The following MCHR2 variants were observed in gnomAD, a reference collection of about 807,000 sequenced individuals.
MCHR2 encodes melanin-concentrating hormone receptor 2.
Under a neutral mutation model 24.8 loss-of-function variants are expected in MCHR2, and 15 were observed. The ratio of observed to expected loss-of-function variants is 0.60; its 90% CI spans 0.40 to 0.93. The LOEUF (loss-of-function observed/expected upper bound fraction) is 0.93, where lower values mean the gene tolerates loss of function less well. MCHR2 is among the 40% of genes least tolerant of loss of function. MCHR2 has a pLI of 0.00. For synonymous variants in MCHR2, 151 were observed against 147.6 expected (o/e 1.02, Z -0.17); for missense variants, 386 against 408.7 (o/e 0.94, Z 0.48).
At chr6:99,936,839 T>C (rs1339753151) in intron 4 of MCHR2, among the ~76,000 whole-genome samples, 2 of 151,842 alleles carry the variant, frequency 1.3e-5, no homozygotes, top group Non-Finnish European at 1.5e-5. Context: ...TATCCTTTTT[T>C]GTGTCCTATT....
At chr6:99,925,152 G>A (rs1326749652) in intron 5 of MCHR2, among the ~76,000 whole-genome samples, 1 of 151,932 alleles carries the variant, frequency 6.6e-6, no homozygotes, top group African/African-American at 2.4e-5. Context: ...ATCATTATAT[G>A]GTGATCTTCT....
intron 1 of MCHR2, among the ~76,000 whole-genome samples, chr6:99,969,662 C>A (rs192413198): frequency 0.026 from 3,985 of 150,734 alleles, 160 homozygotes; most frequent in East Asian, 0.11. Context: ...TGGTGTGCTG[C>A]ACCCATTAAC....
At chr6:99,925,526 G>C (rs552621611) in intron 5 of MCHR2, among the ~76,000 whole-genome samples, 14 of 151,908 alleles carry the variant, frequency 9.2e-5, no homozygotes, top group African/African-American at 3.4e-4. Context: ...CTGGTAATAG[G>C]ATTTAGTTTA....
At chr6:99,931,151 G>A (rs144095173) in intron 5 of MCHR2, among the ~76,000 whole-genome samples, 61,480 of 152,072 alleles carry the variant, frequency 0.4, 13,052 homozygotes, top group East Asian at 0.76. Context: ...CAGAACACCG[G>A]ATTTTCGTGA....
At chr6:99,948,089 TATAC>T in intron 2 of MCHR2, 118 bp from the exon 3 acceptor site, 1 of 796,922 alleles carries the variant, frequency 1.3e-6, no homozygotes, top group Non-Finnish European at 2.0e-6. Context: ...AAGGAAAACC[TATAC>T]AGATGCATAG....
At chr6:99,946,456 C>A (rs1420500972) in intron 3 of MCHR2, among the ~76,000 whole-genome samples, 2 of 152,088 alleles carry the variant, frequency 1.3e-5, no homozygotes, top group African/African-American at 2.4e-5. Flanking sequence ...CACTTCCCCA[C>A]CAAAAAGTCT....
chr6:99,974,463 A>AT (rs1775505242), intron 1 of MCHR2, among the ~76,000 whole-genome samples: 1 of 152,066 alleles, frequency 6.6e-6, no homozygotes, highest in Non-Finnish European at 1.5e-5. Context: ...CATTTGCCTA[A>AT]TTTTTTTCTC....
intron 3 of MCHR2, among the ~76,000 whole-genome samples, chr6:99,946,057 C>T (rs1484975396): frequency 6.6e-6 from 1 of 151,608 alleles, no homozygotes; most frequent in Middle Eastern, 3.4e-3. Flanking sequence ...TATTCTCCTG[C>T]ATCCAAGGCA....
At chr6:99,973,737 C>G (rs1484512570) in intron 1 of MCHR2, among the ~76,000 whole-genome samples, 1 of 152,126 alleles carries the variant, frequency 6.6e-6, no homozygotes, top group Non-Finnish European at 1.5e-5. Flanking sequence ...CCTTCAGGAG[C>G]TCTTGTAGGG....
At chr6:99,921,695 A>G (rs1774236289) in intron 5 of MCHR2, among the ~76,000 whole-genome samples, 1 of 152,196 alleles carries the variant, frequency 6.6e-6, no homozygotes, top group South Asian at 2.1e-4. Context: ...TTGTTGTGCT[A>G]TCAAATGCTA....
At chr6:99,941,310 T>C (rs1269744919) in intron 4 of MCHR2, among the ~76,000 whole-genome samples, 1 of 150,874 alleles carries the variant, frequency 6.6e-6, no homozygotes, top group African/African-American at 2.4e-5. Context: ...GTTCTGGAGT[T>C]CTGGAGTTCT....
intron 1 of MCHR2, among the ~76,000 whole-genome samples, chr6:99,979,479 T>C (rs1438503709): frequency 1.3e-5 from 2 of 152,182 alleles, no homozygotes; most frequent in Non-Finnish European, 2.9e-5. Context: ...GTGCAGTAAG[T>C]GTAAAATATG....
chr6:99,991,902 C>T (rs2114604007), intron 1 of MCHR2, among the ~76,000 whole-genome samples: 1 of 150,300 alleles, frequency 6.7e-6, no homozygotes, highest in Non-Finnish European at 1.5e-5. Context: ...TTTTTCTTTT[C>T]TTCAGCCCTG....
intron 1 of MCHR2, 42 bp from the exon 2 acceptor site, chr6:99,956,216 T>A (rs1298467215): frequency 7.7e-7 from 1 of 1,306,784 alleles, no homozygotes; most frequent in East Asian, 2.5e-5. Context: ...GAACATTCCC[T>A]CAATATAACT....
At chr6:99,943,241 T>TA (rs1237884937) in intron 3 of MCHR2, 98 bp from the exon 4 acceptor site, 3 of 874,150 alleles carry the variant, frequency 3.4e-6, no homozygotes, top group Non-Finnish European at 4.8e-6. Flanking sequence ...TAGCATTATT[T>TA]TCCTTTCTGA....
At chr6:99,983,067 C>A (rs1391605995) in intron 1 of MCHR2, among the ~76,000 whole-genome samples, 1 of 152,096 alleles carries the variant, frequency 6.6e-6, no homozygotes, top group African/African-American at 2.4e-5. Context: ...CTCAAGTAAT[C>A]CTCTCACCTC....
rs565914415 is a variant in MCHR2 at position 99,948,089 on chromosome 6, T to C, written c.183-118A>G. The C allele has an allele frequency of 3.8e-4, 299 of 796,920 alleles. 3 individuals are homozygous for C. In the South Asian group the frequency reaches 4.2e-3, roughly 11 times the overall value. 49.4% of individuals were successfully genotyped at this position (796,920 alleles called of 1,614,324 possible). On this transcript the variant is annotated intron_variant, in intron 2 of 5. Coordinates refer to ENST00000281806, the MANE Select transcript of MCHR2 (RefSeq NM_001040179.2). ...GCATTTTAAATGTTAAAGGAAAACC[T>C]ATACAGATGCATAGAGGAAATGCCT...
At chr6:99,923,799 T>C (rs1156673519) in intron 5 of MCHR2, among the ~76,000 whole-genome samples, 2 of 152,114 alleles carry the variant, frequency 1.3e-5, no homozygotes, top group African/African-American at 2.4e-5. Flanking sequence ...AGATTTCTAA[T>C]ATATTATTGA....
At chr6:99,928,488 G>A (rs1049083591) in intron 5 of MCHR2, among the ~76,000 whole-genome samples, 35 of 152,052 alleles carry the variant, frequency 2.3e-4, no homozygotes, top group African/African-American at 7.5e-4. Flanking sequence ...TGGTTGGTAA[G>A]CTATTGATTA....
Sources: gnomAD v4.1 joint callset for allele counts (sites outside exome capture counted in the v4.1 genomes callset) on GRCh38, gnomAD v4.1.1 for gene constraint, MANE v1.5 for transcripts, NCBI Gene and HGNC (gene_info 2026-07-23, HGNC 2026-07-21) for gene names.